FAR1: variants seen among roughly 807,000 people sequenced by gnomAD.
The protein encoded by FAR1 is male sterility domain-containing protein 2.
A neutral mutation model predicts 61.1 loss-of-function variants in FAR1; 22 were observed. That is an observed-to-expected ratio of 0.36 (90% CI 0.26 to 0.51). The LOEUF is 0.51. Ranked by LOEUF, FAR1 falls within the 20% of genes least tolerant of loss-of-function variation. The pLI is 0.95. For missense variants in FAR1, 359 were observed against 626.9 expected (o/e 0.57, Z 4.56); for synonymous variants, 206 against 209.7 (o/e 0.98, Z 0.15).
chr11:13,714,737 C>G, intron 9 of FAR1, 57 bp downstream of exon 9: 10 of 1,456,666 alleles, frequency 6.9e-6, no homozygotes, highest in Non-Finnish European at 9.3e-6. Flanking sequence ...CATGCTTACA[C>G]TAAAATGCAT....
At chr11:13,723,319 C>T in intron 10 of FAR1, 1 of 360,782 alleles carries the variant, frequency 2.8e-6, no homozygotes, top group Admixed American at 4.2e-5. Context: ...GAGATGTGAT[C>T]ACGTCATTGC....
intron 10 of FAR1, among the ~76,000 whole-genome samples, chr11:13,725,853 C>A (rs569842341): frequency 5.1e-4 from 77 of 151,764 alleles, no homozygotes; most frequent in African/African-American, 1.7e-3. Flanking sequence ...TATGTAATTC[C>A]TATCATTTTA....
chr11:13,692,644 T>C (rs1848262952), intron 1 of FAR1, among the ~76,000 whole-genome samples: 1 of 152,242 alleles, frequency 6.6e-6, no homozygotes, highest in Non-Finnish European at 1.5e-5. Flanking sequence ...AAATACATTT[T>C]TTCTCCATAT....
intron 1 of FAR1, among the ~76,000 whole-genome samples, chr11:13,669,824 G>T (rs1847976068): frequency 6.6e-6 from 1 of 151,862 alleles, no homozygotes; most frequent in African/African-American, 2.4e-5. Flanking sequence ...CCGAAGTAAT[G>T]GCATACATAT....
Position 13,721,949 on chromosome 11 carries a change from A to T in FAR1, c.1257+90A>T. The T allele has an allele frequency of 8.6e-6, 9 of 1,048,446 alleles. No homozygotes were observed. Among genetic ancestry groups the T allele is most frequent in the Non-Finnish European group, 1.2e-5 (9 of 737,324 alleles). The allele number at this position is 1,048,446 out of a possible 1,614,324, so 64.9% of individuals were successfully genotyped here. A position where few individuals can be genotyped will look rare whatever the true frequency, so the allele number is the denominator to read the frequency against. ...AACCTGAGAAATATTTTCCACAGCT[A>T]TTATGCAACAAGTAAGCCATTATTT... is the stretch of plus-strand genomic sequence containing the variant. On this transcript the variant is annotated intron_variant, in intron 10 of 11. Transcript: ENST00000354817. This position sits in a 1 kb window ranked among gnomAD's most constrained non-coding sequence, Gnocchi z 4.2.
chr11:13,722,843 C>CCTCTCTCTCTCTCT (rs140943706), intron 10 of FAR1, among the ~76,000 whole-genome samples: 26 of 143,132 alleles, frequency 1.8e-4, no homozygotes, highest in South Asian at 6.8e-4. Context: ...TAGATTTCTC[C>CCTCTCTCTCTCTCT]CTCTCTCTCT....
Position 13,728,709 on chromosome 11 carries a change from T to C in FAR1, c.1483T>C (p.Phe495Leu). 6.2e-7 allele frequency: 1 copy of C among 1,612,538 alleles called. No homozygotes were observed. The highest frequency in any genetic ancestry group is 1.1e-5 in the South Asian group (1 of 91,038). Residue 495 changes from phenylalanine (F) to leucine (L), a missense_variant, in exon 12 of 12, where the codon TTT becomes CTT. Phe to Leu is a conservative substitution (Grantham distance 22). Around this residue, in one of 2 missense-constraint regions of FAR1, gnomAD observed 15 missense variants for 56.5 expected, o/e 0.27. Coordinates refer to ENST00000354817, the MANE Select transcript of FAR1 (RefSeq NM_032228.6). Reference sequence around the variant, plus strand: ...ACAAATGGCAAGAAATATCTGGTACTTTGTGGTTAGTCTGTGTTACAAGTT... The same window carrying C: ...ACAAATGGCAAGAAATATCTGGTACCTTGTGGTTAGTCTGTGTTACAAGTT... ...RSQMARNIWY[F>L]VVSLCYKFLS... is the part of the protein sequence containing the mutation.
chr11:13,703,152 G>A (rs1227105907), intron 3 of FAR1, among the ~76,000 whole-genome samples: 2 of 151,948 alleles, frequency 1.3e-5, no homozygotes, highest in South Asian at 2.1e-4. Context: ...TAACAACTTC[G>A]TATGAAAGAA....
At chr11:13,689,475 G>A (rs1457239664) in intron 1 of FAR1, among the ~76,000 whole-genome samples, 2 of 152,074 alleles carry the variant, frequency 1.3e-5, no homozygotes, top group African/African-American at 4.8e-5. Flanking sequence ...TTTAGCGATC[G>A]TTCCTTCATT....
At chr11:13,713,094 A>C in intron 8 of FAR1, 61 bp downstream of exon 8, 1 of 1,456,688 alleles carries the variant, frequency 6.9e-7, no homozygotes, top group Non-Finnish European at 9.6e-7. Flanking sequence ...AGTTCCCTGA[A>C]GTTTTAATGT....
chr11:13,682,635 G>T (rs1259202601), intron 1 of FAR1, among the ~76,000 whole-genome samples: 1 of 152,140 alleles, frequency 6.6e-6, no homozygotes, highest in Non-Finnish European at 1.5e-5. Context: ...TTGAGGCAGG[G>T]TCTCACTCTG....
intron 1 of FAR1, among the ~76,000 whole-genome samples, chr11:13,670,930 G>A (rs942871105): frequency 6.6e-6 from 1 of 152,140 alleles, no homozygotes; most frequent in Admixed American, 6.5e-5. Context: ...AGGACAAAAG[G>A]TTTGTGAAGA....
chr11:13,710,224 A>G (rs1848482590), intron 4 of FAR1, among the ~76,000 whole-genome samples: 1 of 152,098 alleles, frequency 6.6e-6, no homozygotes, highest in Admixed American at 6.5e-5. Context: ...GGTTATATAC[A>G]GATCTGTATT....
intron 1 of FAR1, among the ~76,000 whole-genome samples, chr11:13,676,110 T>C (rs1848065588): frequency 6.6e-6 from 1 of 152,174 alleles, no homozygotes; most frequent in Non-Finnish European, 1.5e-5. Context: ...TCAATTATCT[T>C]TCTGTGTGTT....
Position 13,721,155 on chromosome 11 carries a change from A to G in FAR1, c.1128-575A>G, listed in dbSNP as rs1157880582. 6.6e-6 allele frequency: 1 copy of G among 152,356 alleles called. No individual in the cohort carries two copies. The highest frequency in any genetic ancestry group is 2.4e-5 in the African/African-American group (1 of 41,474). 9.4% of individuals were successfully genotyped at this position (152,356 alleles called of 1,614,324 possible). ...GCATGAGTCATTGATTTCACAGCAC[A>G]TCCAGATGATCAAGAGTGGTGCCAA... On this transcript the variant is annotated intron_variant, in intron 9 of 11. Transcript: ENST00000354817. The surrounding 1 kb of genome is among the most constrained non-coding windows in gnomAD (Gnocchi z 4.2).
rs1020835599 is a variant in FAR1 at position 13,730,189 on chromosome 11, G to T, written c.*1415G>T. The T allele has an allele frequency of 6.6e-6, 1 of 152,284 alleles. No individual in the cohort carries two copies. The highest frequency in any genetic ancestry group is 6.6e-5 in the Admixed American group (1 of 15,226). 9.4% of individuals were successfully genotyped at this position (152,284 alleles called of 1,614,324 possible). A position where few individuals can be genotyped will look rare whatever the true frequency, so the allele number is the denominator to read the frequency against. On this transcript the variant is annotated 3_prime_UTR_variant, in exon 12 of 12. Coordinates refer to ENST00000354817, the MANE Select transcript of FAR1 (RefSeq NM_032228.6). Reference sequence around the variant, plus strand: ...ATCTGGAGTATGTTTAAAGAGAACAGTTCGCAATACAAAAAGTTACATGGA... The same window carrying T: ...ATCTGGAGTATGTTTAAAGAGAACATTTCGCAATACAAAAAGTTACATGGA...
intron 9 of FAR1, among the ~76,000 whole-genome samples, chr11:13,717,574 T>C (rs1236224290): frequency 6.6e-6 from 1 of 152,194 alleles, no homozygotes; most frequent in African/African-American, 2.4e-5. Flanking sequence ...AACTGGCCTG[T>C]GGGCTCTGTG....
chr11:13,722,875 TATAA>T (rs1444335639), intron 10 of FAR1, among the ~76,000 whole-genome samples: 22 of 147,306 alleles, frequency 1.5e-4, no homozygotes, highest in East Asian at 5.9e-4. Context: ...TATATATATA[TATAA>T]AATATGTATA....
chr11:13,680,177 T>G (rs1406409539), intron 1 of FAR1, among the ~76,000 whole-genome samples: 1 of 152,228 alleles, frequency 6.6e-6, no homozygotes, highest in African/African-American at 2.4e-5. Context: ...CCACTGTTAT[T>G]AGGAGCTTGA....
Sources: allele counts gnomAD v4.1 joint callset (sites outside exome capture counted in the v4.1 genomes callset), GRCh38; gene constraint gnomAD v4.1.1; regional missense constraint gnomAD v4.1.1; non-coding constraint Gnocchi (gnomAD v3.1); transcripts MANE v1.5; gene names NCBI Gene and HGNC (gene_info 2026-07-23, HGNC 2026-07-21).